Variants in CPNE9 observed in about 807,000 individuals in gnomAD.
CPNE9 encodes the protein copine family member 9.
Under a neutral mutation model 83.0 loss-of-function variants are expected in CPNE9, and 59 were observed. The observed-to-expected ratio is 0.71, with a 90% CI of 0.58 to 0.88. The LOEUF (loss-of-function observed/expected upper bound fraction) is 0.88, where lower values mean the gene tolerates loss of function less well. Among genes scored for constraint, CPNE9 ranks in the 40% least tolerant of loss-of-function variants. The pLI, the probability that CPNE9 is intolerant of heterozygous loss-of-function variation, is 0.00. For missense variants in CPNE9, 619 were observed against 720.8 expected, an observed-to-expected ratio of 0.86 and a Z score of 1.62; for synonymous variants, 256 against 273.4, an observed-to-expected ratio of 0.94 and a Z score of 0.63.
intron 17 of CPNE9, among the ~76,000 whole-genome samples, chr3:9,722,830 T>A (rs1032270214): frequency 3.3e-5 from 5 of 152,294 alleles, no homozygotes; most frequent in Non-Finnish European, 7.3e-5. Context: ...GCTGTAGTTC[T>A]ACATGTAACT....
chr3:9,714,072 CAATAAATA>C (rs59251577), intron 10 of CPNE9, among the ~76,000 whole-genome samples: 5 of 149,002 alleles, frequency 3.4e-5, no homozygotes, highest in South Asian at 2.2e-4. Context: ...GACTCCGTCT[CAATAAATA>C]AATAAATAAA....
At chr3:9,721,042 T>C (rs1026035016) in intron 17 of CPNE9, among the ~76,000 whole-genome samples, 2 of 152,232 alleles carry the variant, frequency 1.3e-5, no homozygotes, top group African/African-American at 2.4e-5. Flanking sequence ...ATAAATACTA[T>C]AGGTGTTCGC....
At chr3:9,705,817 G>A (rs1433467644) in intron 6 of CPNE9, 97 bp downstream of exon 6, 7 of 1,430,660 alleles carry the variant, frequency 4.9e-6, no homozygotes, top group African/African-American at 2.8e-5. Flanking sequence ...GAGATTGCTC[G>A]CAGACCCCTT....
chr3:9,706,081 G>C lies in CPNE9; in HGVS notation c.377+18G>C, dbSNP rs773943756. Reference sequence around the variant, plus strand: ...ACCCTCACGTAAGCTGAATAGGAAGGGGTGTGGGAGTGGGGTGGGGGCTTC... The same window carrying C: ...ACCCTCACGTAAGCTGAATAGGAAGCGGTGTGGGAGTGGGGTGGGGGCTTC... On this transcript the variant is annotated intron_variant, in intron 7 of 20. Coordinates refer to ENST00000383832, the MANE Select transcript of CPNE9 (RefSeq NM_153635.3). 12 of 1,611,726 alleles carry C rather than the reference G, an allele frequency of 7.4e-6. No homozygotes were observed. In the African/African-American group the frequency reaches 1.5e-4, roughly 20 times the overall value.
At chr3:9,726,603 C>A in intron 18 of CPNE9, 62 bp from the exon 19 acceptor site, 2 of 1,315,130 alleles carry the variant, frequency 1.5e-6, no homozygotes, top group Non-Finnish European at 2.2e-6. Flanking sequence ...GAACTGTCTC[C>A]CAACAGTCAC....
chr3:9,725,783 A>C (rs1254696068), intron 17 of CPNE9, among the ~76,000 whole-genome samples, 166 bp from the exon 18 acceptor site: 2 of 151,722 alleles, frequency 1.3e-5, no homozygotes, highest in Non-Finnish European at 2.9e-5. Context: ...ATACACATAT[A>C]TATATGCAGG....
chr3:9,712,471 C>A, intron 7 of CPNE9, 70 bp from the exon 8 acceptor site: 1 of 1,290,574 alleles, frequency 7.7e-7, no homozygotes, highest in Non-Finnish European at 1.1e-6. Context: ...CCCACCTAAC[C>A]CCAGACTGGC....
chr3:9,705,797 C>T, intron 6 of CPNE9, 77 bp downstream of exon 6: 2 of 1,511,868 alleles, frequency 1.3e-6, no homozygotes, highest in Non-Finnish European at 1.8e-6. Context: ...TGATGACCCA[C>T]TACAAGGCAG....
rs1053475581 is a variant in CPNE9 at position 9,704,872 on chromosome 3, C to T, written c.157-19C>T. 6.2e-6 allele frequency: 10 copies of T among 1,607,992 alleles called. No homozygotes were observed. The African/African-American group carries it at 9.4e-5, about 15-fold the overall frequency. On this transcript the variant is annotated intron_variant, in intron 3 of 20. Coordinates refer to ENST00000383832, the MANE Select transcript of CPNE9 (RefSeq NM_153635.3). This position sits in a 1 kb window ranked among gnomAD's most constrained non-coding sequence, Gnocchi z 7.1. The stretch of plus-strand genomic sequence containing the variant: ...GCCCGTCTGCACGTCCCACGCTGAC[C>T]CTCCACCCCCCTACCCAGTTCGGAC...
intron 17 of CPNE9, among the ~76,000 whole-genome samples, chr3:9,725,700 A>ATATATGTATATATATG (rs2076777688): frequency 7.2e-6 from 1 of 138,698 alleles, no homozygotes; most frequent in African/African-American, 2.7e-5. Flanking sequence ...ATATATGTGT[A>ATATATGTATATATATG]TATATGTGTA....
At chr3:9,707,022 G>A (rs1182223942) in intron 7 of CPNE9, among the ~76,000 whole-genome samples, 1 of 152,138 alleles carries the variant, frequency 6.6e-6, no homozygotes, top group Non-Finnish European at 1.5e-5. Context: ...ACATGACATG[G>A]CGGCTTACAA....
At chr3:9,727,531 T>A (rs2076795948) in intron 20 of CPNE9, 1 of 647,644 alleles carries the variant, frequency 1.5e-6, no homozygotes, top group South Asian at 1.7e-5. Flanking sequence ...CTAACATAGG[T>A]ACAGTAGTCA....
chr3:9,713,359 TCG>T (rs1411791746), intron 10 of CPNE9, among the ~76,000 whole-genome samples: 17 of 152,250 alleles, frequency 1.1e-4, no homozygotes, highest in African/African-American at 2.4e-4. Flanking sequence ...CATGGATGGA[TCG>T]TTGGATGGGT....
chr3:9,718,441 T>TG (rs2076704862), intron 16 of CPNE9, 34 bp from the exon 17 acceptor site: 1 of 1,599,984 alleles, frequency 6.3e-7, no homozygotes, highest in Admixed American at 1.7e-5. Context: ...GTACCCTGCA[T>TG]GGGCTCAGCC....
chr3:9,724,710 C>G (rs1324836044), intron 17 of CPNE9, among the ~76,000 whole-genome samples: 1 of 148,780 alleles, frequency 6.7e-6, no homozygotes, highest in East Asian at 2.0e-4. Context: ...TGCTGGGTCA[C>G]ATCAGGATCC....
chr3:9,717,064 G>C lies in CPNE9; in HGVS notation c.891G>C (p.Gln297His). The C allele has an allele frequency of 6.2e-7, 1 of 1,614,210 alleles. No individual in the cohort carries two copies. The highest frequency in any genetic ancestry group is 2.2e-5 in the East Asian group (1 of 44,890). Residue 297 changes from glutamine to histidine, a missense_variant, in exon 15 of 21, where the codon CAG (glutamine) becomes CAC (histidine). This residue lies in a region of CPNE9 where 438 missense variants were observed against 562.9 expected (regional missense o/e 0.78). Coordinates refer to ENST00000383832, the MANE Select transcript of CPNE9 (RefSeq NM_153635.3). ...TFVDYIKGGT[Q>H]LNFTVAIDFT... The stretch of plus-strand genomic sequence containing the variant: ...TCATCTGCTTCCCCAACAGGACACA[G>C]CTGAACTTCACAGTAGCCATTGACT...
chr3:9,710,662 C>G (rs140092999), intron 7 of CPNE9, among the ~76,000 whole-genome samples: 146 of 152,296 alleles, frequency 9.6e-4, no homozygotes, highest in South Asian at 2.9e-3. Context: ...TTCAGTTTCA[C>G]AGGTGCAGTG....
intron 17 of CPNE9, among the ~76,000 whole-genome samples, chr3:9,724,825 C>T (rs1276501301): frequency 6.6e-6 from 1 of 151,574 alleles, no homozygotes; most frequent in African/African-American, 2.4e-5. Context: ...GGTGTGATCT[C>T]GGCTCACTGC....
Position 9,704,505 on chromosome 3 carries a change from T to G in CPNE9, c.69-82T>G. 8.2e-7 allele frequency: 1 copy of G among 1,218,002 alleles called. No homozygotes were observed. Among genetic ancestry groups the G allele is most frequent in the Non-Finnish European group, 1.2e-6 (1 of 818,582 alleles). 75.4% of individuals were successfully genotyped at this position (1,218,002 alleles called of 1,614,324 possible). A position where few individuals can be genotyped will look rare whatever the true frequency, so the allele number is the denominator to read the frequency against. On this transcript the variant is annotated intron_variant, in intron 1 of 20. Coordinates refer to ENST00000383832, the MANE Select transcript of CPNE9 (RefSeq NM_153635.3). This position sits in a 1 kb window ranked among gnomAD's most constrained non-coding sequence, Gnocchi z 7.1. ...AGGTTCGATGCGGGCCCCATGCCTC[T>G]CCTCAGTGCCCGGCTCAGAGCCGAC...
Sources: gnomAD v4.1 joint callset for allele counts (sites outside exome capture counted in the v4.1 genomes callset) on GRCh38, gnomAD v4.1.1 for gene constraint, gnomAD v4.1.1 regional missense constraint, Gnocchi (gnomAD v3.1) non-coding constraint, MANE v1.5 for transcripts, NCBI Gene and HGNC (gene_info 2026-07-23, HGNC 2026-07-21) for gene names.